OGT: variants seen among roughly 807,000 people sequenced by gnomAD.
OGT encodes O-linked N-acetylglucosamine (GlcNAc) transferase.
In OGT, 3 loss-of-function variants were observed where a neutral mutation model predicts 75.8. The ratio of observed to expected loss-of-function variants is 0.04; its 90% CI spans 0.02 to 0.10. OGT has a LOEUF of 0.10. Among genes scored for constraint, OGT ranks in the 10% least tolerant of loss-of-function variants. OGT has a pLI of 1.00. For missense variants in OGT, 260 were observed against 824.4 expected (o/e 0.32, Z 8.38); for synonymous variants, 257 against 289.7 (o/e 0.89, Z 1.15).
chrX:71,555,134 T>TTGTGTG (rs376605851), intron 6 of OGT, 56 bp from the exon 7 acceptor site: 14,453 of 526,311 alleles, frequency 0.027, 267 homozygotes, highest in East Asian at 0.13. Flanking sequence ...GAGTTACATT[T>TTGTGTG]TGTGTGTGTG....
At chrX:71,567,456 G>A in intron 19 of OGT, 44 bp from the exon 20 acceptor site, 1 of 1,075,160 alleles carries the variant, frequency 9.3e-7, no homozygotes, top group Non-Finnish European at 1.2e-6. Flanking sequence ...TGTTGAAAAA[G>A]GCAGATCTGC....
chrX:71,547,748 G>A (rs766858801), intron 4 of OGT, 159 bp from the exon 5 acceptor site: 64 of 1,098,185 alleles, frequency 5.8e-5, no homozygotes, highest in Non-Finnish European at 7.1e-5. Flanking sequence ...TGGCGCAAGC[G>A]AGCCTATGCT....
intron 1 of OGT, among the ~76,000 whole-genome samples, chrX:71,535,586 G>C (rs1267355050): frequency 9.0e-6 from 1 of 111,425 alleles, no homozygotes; most frequent in African/African-American, 3.3e-5. Context: ...CCTTAGGCTC[G>C]TTTCTACTTG....
intron 19 of OGT, among the ~76,000 whole-genome samples, chrX:71,565,488 CA>C (rs2040410724): frequency 9.0e-6 from 1 of 111,537 alleles, no homozygotes; most frequent in Non-Finnish European, 1.9e-5. Flanking sequence ...CTTGGCCTCC[CA>C]AAATGCTAGG....
intron 5 of OGT, among the ~76,000 whole-genome samples, chrX:71,551,473 A>T (rs2040303596): frequency 9.0e-6 from 1 of 111,510 alleles, no homozygotes; most frequent in Non-Finnish European, 1.9e-5. Context: ...CTCTACTAAA[A>T]ATACAAAAAT....
In OGT at chrX:71,573,793, A is replaced by G. The variant is rs767525967; in HGVS notation, c.3140A>G (p.Ter1047=). ...IKPVEVTESA[*] is the part of the protein sequence containing the mutation. ...CCTGTTGAAGTCACTGAGTCAGCATAAATAAAGACTGCACAGGAGAATTAC... is the reference window on the plus strand; with the variant it reads ...CCTGTTGAAGTCACTGAGTCAGCATGAATAAAGACTGCACAGGAGAATTAC... Residue 1047 remains the stop codon, a stop_retained_variant, in exon 22 of 22, where the codon TAA becomes TGA. Transcript: ENST00000373719. The G allele has an allele frequency of 4.2e-6, 5 of 1,191,611 alleles. No individual in the cohort carries two copies. Among genetic ancestry groups the G allele is most frequent in the Non-Finnish European group, 5.7e-6 (5 of 884,658 alleles).
intron 14 of OGT, among the ~76,000 whole-genome samples, chrX:71,560,050 G>A (rs771629217): frequency 6.4e-4 from 71 of 110,353 alleles, no homozygotes; most frequent in Non-Finnish European, 1.3e-3. Flanking sequence ...GGGAGGTCGA[G>A]GCGGGCAGAT....
At chrX:71,546,941 A>G in intron 4 of OGT, 1 of 754,664 alleles carries the variant, frequency 1.3e-6, no homozygotes. Context: ...CCTCGAGTCC[A>G]ACTAATCTCA....
intron 1 of OGT, chrX:71,534,151 C>T (rs2040157106): frequency 9.0e-6 from 1 of 110,874 alleles, no homozygotes; most frequent in African/African-American, 3.3e-5. Flanking sequence ...CGTTGACCAC[C>T]CTGCCCGCCC....
chrX:71,544,699 C>A, intron 4 of OGT, 64 bp downstream of exon 4: 1 of 860,812 alleles, frequency 1.2e-6, no homozygotes, highest in East Asian at 3.3e-5. Context: ...TTTGCCAAGT[C>A]TTCAACTCTT....
At chrX:71,557,436 A>G in intron 11 of OGT, 57 bp from the exon 12 acceptor site, 5 of 1,139,743 alleles carry the variant, frequency 4.4e-6, no homozygotes, top group East Asian at 3.0e-5. Context: ...AGACATATCA[A>G]ATATTAAATC....
In OGT at chrX:71,559,647, A is replaced by C. The variant is rs769452389; in HGVS notation, c.1821A>C (p.Ala607=). ...CAAACTTCCGAGTGAAGGTGATGGC[A>C]GAAGCCAATCATTTCATTGATCTTT... ...DGTNFRVKVM[A]EANHFIDLSQ... is the part of the protein sequence containing the mutation. Residue 607 remains alanine (A), a synonymous_variant, in exon 14 of 22, where the codon GCA becomes GCC. Coordinates refer to ENST00000373719, the MANE Select transcript of OGT (RefSeq NM_181672.3). 2.5e-6 allele frequency: 3 copies of C among 1,210,001 alleles called. No individual in the cohort carries two copies. Among genetic ancestry groups the C allele is most frequent in the Non-Finnish European group, 3.4e-6 (3 of 893,721 alleles).
At chrX:71,541,357 C>T (rs1168246641) in intron 3 of OGT, among the ~76,000 whole-genome samples, 1 of 111,559 alleles carries the variant, frequency 9.0e-6, no homozygotes, top group African/African-American at 3.3e-5. Flanking sequence ...CGATTCTTCT[C>T]TGTTCTGCTT....
chrX:71,562,737 A>T, intron 15 of OGT, 110 bp from the exon 16 acceptor site: 2 of 682,724 alleles, frequency 2.9e-6, no homozygotes, highest in South Asian at 4.1e-5. Context: ...TTATTGAGGT[A>T]CAGTTGACAT....
intron 5 of OGT, among the ~76,000 whole-genome samples, chrX:71,551,932 G>A (rs2040306753): frequency 9.0e-6 from 1 of 111,197 alleles, no homozygotes; most frequent in African/African-American, 3.3e-5. Flanking sequence ...TTTAGGCCGG[G>A]TGCGGTAGCT....
chrX:71,533,154 A>G lies in OGT; in HGVS notation c.-146A>G, dbSNP rs1183938126. On this transcript the variant is annotated 5_prime_UTR_variant, in exon 1 of 22. Transcript: ENST00000373719. The stretch of plus-strand genomic sequence containing the variant: ...GTCAATTAGAGTTCCCAGGGTTTGA[A>G]GCCTGTAACTGCTGCCGCCGCTCAA... 7 of 537,534 alleles carry G rather than the reference A, an allele frequency of 1.3e-5. No individual in the cohort carries two copies. The highest frequency in any genetic ancestry group is 2.2e-5 in the Non-Finnish European group (7 of 314,325). 44.3% of individuals were successfully genotyped at this position (537,534 alleles called of 1,213,427 possible).
chrX:71,563,408 T>C lies in OGT; in HGVS notation c.2345T>C (p.Ile782Thr). Residue 782 changes from isoleucine to threonine, a missense_variant, in exon 18 of 22, where the codon ATT (isoleucine) becomes ACT (threonine). Around this residue, in one of 6 missense-constraint regions of OGT, gnomAD observed 79 missense variants for 141.0 expected, o/e 0.56. Coordinates refer to ENST00000373719, the MANE Select transcript of OGT (RefSeq NM_181672.3). ...LNMPVIPMNT[I>T]AEAVIEMINR... ...ATGCCTGTTATTCCTATGAATACTA[T>C]TGCAGAAGCAGTTATTGAAATGATT... 8.3e-7 allele frequency: 1 copy of C among 1,203,081 alleles called. No individual in the cohort carries two copies. Among genetic ancestry groups the C allele is most frequent in the Non-Finnish European group, 1.1e-6 (1 of 887,501 alleles).
chrX:71,548,158 C>T, intron 5 of OGT, 135 bp downstream of exon 5: 1 of 594,233 alleles, frequency 1.7e-6, no homozygotes, highest in South Asian at 3.5e-5. Context: ...ATGTGACTTA[C>T]AGAGAACAAT....
chrX:71,560,289 A>AG (rs1280914935), intron 14 of OGT, among the ~76,000 whole-genome samples: 15 of 108,836 alleles, frequency 1.4e-4, no homozygotes, highest in African/African-American at 4.3e-4. Flanking sequence ...AAAAAAAAAA[A>AG]AAAAAGAAAA....
Sources: allele counts gnomAD v4.1 joint callset (sites outside exome capture counted in the v4.1 genomes callset), GRCh38; gene constraint gnomAD v4.1.1; regional missense constraint gnomAD v4.1.1; transcripts MANE v1.5; gene names NCBI Gene and HGNC (gene_info 2026-07-23, HGNC 2026-07-21).